The following SOX6 variants were observed in gnomAD, a reference collection of about 807,000 sequenced individuals.
SOX6 encodes the protein transcription factor SOX-6.
In SOX6, 11 loss-of-function variants were observed where a neutral mutation model predicts 97.8. The ratio of observed to expected loss-of-function variants is 0.11; its 90% CI spans 0.07 to 0.19. The LOEUF (loss-of-function observed/expected upper bound fraction) is 0.19. Ranked by LOEUF, SOX6 falls within the 10% of genes least tolerant of loss-of-function variation. The probability of loss-of-function intolerance (pLI) is 1.00; values close to 1 mark genes in which losing one functional copy is unlikely to be tolerated. For synonymous variants in SOX6, 360 were observed against 371.4 expected (o/e 0.97, Z 0.35); for missense variants, 810 against 1,039.5 (o/e 0.78, Z 3.04).
intron 9 of SOX6, among the ~76,000 whole-genome samples, chr11:16,090,867 G>T (rs1848670138): frequency 6.6e-6 from 1 of 151,966 alleles, no homozygotes; most frequent in Admixed American, 6.6e-5. Context: ...GCTTACTGAG[G>T]TTACTGAAAA....
At chr11:16,237,249 G>T (rs559001546) in intron 3 of SOX6, among the ~76,000 whole-genome samples, 2 of 151,976 alleles carry the variant, frequency 1.3e-5, no homozygotes, top group East Asian at 1.9e-4. Context: ...CATTCTCCAC[G>T]TAATAATATA....
In SOX6 at chr11:16,661,738, G is replaced by A. The variant is rs1847767528; in HGVS notation, n.430-49478C>T. ...AATTTTTTTTACTTTGTGTAGAGATGGAGGTCTTACTATGTTGCTCAGACT... is the reference window on the plus strand; with the variant it reads ...AATTTTTTTTACTTTGTGTAGAGATAGAGGTCTTACTATGTTGCTCAGACT... On this transcript the variant is annotated intron_variant and non_coding_transcript_variant, in intron 3 of 5. Transcript: ENST00000524520. Among the ~76,000 whole-genome samples the A allele has an allele frequency of 2.0e-5, 3 of 151,872 alleles. No individual in the cohort carries two copies. The South Asian group carries it at 6.2e-4, about 32-fold the overall frequency.
chr11:16,537,163 G>A (rs763349024), intron 4 of SOX6, among the ~76,000 whole-genome samples: 23 of 152,298 alleles, frequency 1.5e-4, no homozygotes, highest in Middle Eastern at 6.8e-3. Flanking sequence ...TGCACCCACC[G>A]TTGGTGATAC....
At chr11:16,503,215 G>A (rs35708656) in intron 4 of SOX6, among the ~76,000 whole-genome samples, 26,048 of 151,194 alleles carry the variant, frequency 0.17, 2,285 homozygotes, top group African/African-American at 0.2. Flanking sequence ...TGCTTATGGA[G>A]TTCTACCCCT....
chr11:16,725,411 G>A (rs1005648234), intron 2 of SOX6, among the ~76,000 whole-genome samples: 1 of 151,970 alleles, frequency 6.6e-6, no homozygotes, highest in African/African-American at 2.4e-5. Context: ...TATAGTCCCA[G>A]CTACTGAGGA....
chr11:16,265,667 G>A (rs1854063130), intron 3 of SOX6, among the ~76,000 whole-genome samples: 1 of 151,816 alleles, frequency 6.6e-6, no homozygotes, highest in African/African-American at 2.4e-5. Flanking sequence ...GACATTAAAA[G>A]AGTTATTAAA....
rs75286223 is a variant in SOX6, at chr11:16,026,028, A to T, written c.1624-10978T>A. 6.7e-3 allele frequency among the ~76,000 whole-genome samples: 1,023 copies of T among 152,226 alleles called. 16 individuals are homozygous for T. Among genetic ancestry groups the T allele is most frequent in the African/African-American group, 0.023 (968 of 41,556 alleles). On this transcript the variant is annotated intron_variant, in intron 12 of 15. Transcript: ENST00000683767. ...AGCCGGCTGGTGACAGATCCAGAAC[A>T]TGCCTCTCAGCTCCAGACTCTCAGT... is the stretch of plus-strand genomic sequence containing the variant.
chr11:16,231,171 AG>A (rs986740604), intron 4 of SOX6, among the ~76,000 whole-genome samples: 3 of 151,748 alleles, frequency 2.0e-5, no homozygotes, highest in African/African-American at 7.2e-5. Flanking sequence ...GCATTAAAGA[AG>A]GGATGGAAAG....
At chr11:16,061,231 T>C (rs924999828) in intron 9 of SOX6, among the ~76,000 whole-genome samples, 2 of 149,864 alleles carry the variant, frequency 1.3e-5, no homozygotes, top group African/African-American at 4.9e-5. Flanking sequence ...TGAACAGTAG[T>C]AGCATTTCTA....
chr11:16,351,537 T>C (rs2118362), intron 1 of SOX6, among the ~76,000 whole-genome samples: 43,760 of 151,972 alleles, frequency 0.29, 6,848 homozygotes, highest in African/African-American at 0.37. Flanking sequence ...GGCTCTCCCC[T>C]GATGACAAAA....
intron 1 of SOX6, among the ~76,000 whole-genome samples, chr11:16,454,075 G>C (rs1859768863): frequency 6.6e-6 from 1 of 152,110 alleles, no homozygotes; most frequent in Non-Finnish European, 1.5e-5. Context: ...TGATGATGCA[G>C]TCTTTTTTAA....
chr11:16,405,378 C>T (rs1007162473), intron 1 of SOX6, among the ~76,000 whole-genome samples: 1 of 151,924 alleles, frequency 6.6e-6, no homozygotes, highest in African/African-American at 2.4e-5. Flanking sequence ...CTGCTGTGCA[C>T]AATAATAAGG....
At chr11:16,126,974 G>A (rs1467782172) in intron 6 of SOX6, among the ~76,000 whole-genome samples, 2 of 151,996 alleles carry the variant, frequency 1.3e-5, no homozygotes, top group Non-Finnish European at 2.9e-5. Flanking sequence ...AGAACATGAT[G>A]AATATTTATA....
intron 3 of SOX6, among the ~76,000 whole-genome samples, chr11:16,638,866 G>A (rs1261167778): frequency 6.6e-6 from 1 of 152,086 alleles, no homozygotes; most frequent in Non-Finnish European, 1.5e-5. Context: ...CCATTCTGTA[G>A]GTTACCTGTT....
chr11:16,074,531 C>T (rs1050574335), intron 9 of SOX6, among the ~76,000 whole-genome samples: 20 of 151,986 alleles, frequency 1.3e-4, no homozygotes, highest in African/African-American at 2.7e-4. Flanking sequence ...GAAGAGGTGG[C>T]GCCATTTCTA....
intron 1 of SOX6, among the ~76,000 whole-genome samples, chr11:16,424,161 A>G (rs1859076689): frequency 2.6e-5 from 4 of 152,234 alleles, no homozygotes. Context: ...CAGATAGAAA[A>G]TAAAGACTAT....
At chr11:16,537,901 T>C (rs1861334752) in intron 4 of SOX6, among the ~76,000 whole-genome samples, 1 of 152,286 alleles carries the variant, frequency 6.6e-6, no homozygotes, top group Non-Finnish European at 1.5e-5. Context: ...GAAAACACTC[T>C]TAAGGATATT....
intron 4 of SOX6, among the ~76,000 whole-genome samples, chr11:16,510,578 T>C (rs1177478096): frequency 1.3e-5 from 2 of 152,230 alleles, no homozygotes; most frequent in Non-Finnish European, 2.9e-5. Flanking sequence ...GTTAACCTAT[T>C]TGGTAAAAAG....
intron 1 of SOX6, among the ~76,000 whole-genome samples, chr11:16,391,044 G>C (rs923688687): frequency 1.3e-5 from 2 of 152,168 alleles, no homozygotes; most frequent in Admixed American, 6.5e-5. Context: ...CCTTTGTAGG[G>C]ACATGGATGA....
Sources: allele counts gnomAD v4.1 joint callset (sites outside exome capture counted in the v4.1 genomes callset), GRCh38; gene constraint gnomAD v4.1.1; transcripts MANE v1.5; gene names NCBI Gene and HGNC (gene_info 2026-07-23, HGNC 2026-07-21).